The following STX8 variants were observed in gnomAD, a reference collection of about 807,000 sequenced individuals.
STX8 encodes the protein syntaxin 8.
In STX8, 23 loss-of-function variants were observed where a neutral mutation model predicts 37.5. The ratio of observed to expected loss-of-function variants is 0.61; its 90% CI spans 0.44 to 0.87. STX8 has a LOEUF of 0.87. Ranked by LOEUF, STX8 falls within the 40% of genes least tolerant of loss-of-function variation. STX8 has a pLI of 0.00. For missense variants in STX8, 313 were observed against 284.7 expected (o/e 1.10, Z -0.71); for synonymous variants, 115 against 99.1 (o/e 1.16, Z -0.95).
intron 6 of STX8, among the ~76,000 whole-genome samples, chr17:9,447,406 A>T (rs1355412000): frequency 6.6e-6 from 1 of 152,166 alleles, no homozygotes; most frequent in Admixed American, 6.6e-5. Flanking sequence ...TCTTAGGAAG[A>T]TTTTGAGGAG....
intron 6 of STX8, among the ~76,000 whole-genome samples, chr17:9,432,952 T>C (rs1914030150): frequency 1.3e-5 from 2 of 152,222 alleles, no homozygotes; most frequent in Admixed American, 1.3e-4. Flanking sequence ...TGGAATACTC[T>C]TGAGATTGAG....
chr17:9,346,312 C>T (rs1860506811), intron 7 of STX8, among the ~76,000 whole-genome samples: 1 of 152,096 alleles, frequency 6.6e-6, no homozygotes, highest in South Asian at 2.1e-4. Context: ...TATTTCCTCT[C>T]TTTCATCTCT....
chr17:9,549,452 TAA>T (rs1480726155), intron 3 of STX8, among the ~76,000 whole-genome samples: 1 of 152,222 alleles, frequency 6.6e-6, no homozygotes, highest in Non-Finnish European at 1.5e-5. Flanking sequence ...TGAGCATGGC[TAA>T]GTCACTTGCC....
intron 3 of STX8, chr17:9,547,262 AAAAAG>A (rs1567605879): frequency 6.9e-6 from 1 of 145,786 alleles, no homozygotes; most frequent in African/African-American, 2.6e-5. Flanking sequence ...AAAAAAAAAA[AAAAAG>A]AAAAAAGAAA....
At chr17:9,558,822 CAAA>C (rs35485022) in intron 2 of STX8, among the ~76,000 whole-genome samples, 3 of 104,442 alleles carry the variant, frequency 2.9e-5, no homozygotes, top group African/African-American at 3.5e-5. Context: ...GACTCCGTCT[CAAA>C]AAAAAAAAAA....
intron 7 of STX8, among the ~76,000 whole-genome samples, chr17:9,338,048 ATTTTT>A (rs972471091): frequency 0.02 from 2,166 of 107,854 alleles, 63 homozygotes; most frequent in African/African-American, 0.075. Flanking sequence ...CCTCTGAAGG[ATTTTT>A]TTTTTTTTTT....
chr17:9,287,506 G>C (rs1206479538), intron 7 of STX8, among the ~76,000 whole-genome samples: 1 of 152,194 alleles, frequency 6.6e-6, no homozygotes, highest in Non-Finnish European at 1.5e-5. Flanking sequence ...TAGGGCATGA[G>C]AAGCTGGCTG....
intron 6 of STX8, among the ~76,000 whole-genome samples, chr17:9,405,163 T>C (rs1308598824): frequency 1.3e-5 from 2 of 152,234 alleles, no homozygotes; most frequent in Non-Finnish European, 2.9e-5. Flanking sequence ...ATGGTGTCAT[T>C]ATTCTAGACT....
rs57991262 is a variant in STX8 at position 9,355,332 on chromosome 17, C to CTT, written c.643+23218_643+23219dup. Among the ~76,000 whole-genome samples the CTT allele has an allele frequency of 2.2e-3, 256 of 116,214 alleles. 2 individuals carry two copies. The highest frequency in any genetic ancestry group is 9.5e-3 in the Admixed American group (100 of 10,550). 76.2% of individuals were successfully genotyped at this position (116,214 alleles called of 152,430 possible). A position where few individuals can be genotyped will look rare whatever the true frequency, so the allele number is the denominator to read the frequency against. On this transcript the variant is annotated intron_variant, in intron 7 of 7. Transcript: ENST00000306357. ...TGTCTTTTGGTTCTACTTTGTGGAA[C>CTT]TTTTTTTTTTTTTTTTTTTTGAGAC...
At chr17:9,486,444 G>A (rs898291801) in intron 6 of STX8, among the ~76,000 whole-genome samples, 4 of 152,156 alleles carry the variant, frequency 2.6e-5, no homozygotes, top group Non-Finnish European at 5.9e-5. Flanking sequence ...CCATCAAATC[G>A]TGCCTCTATG....
intron 5 of STX8, among the ~76,000 whole-genome samples, chr17:9,494,013 T>TTTG (rs1567585337): frequency 6.6e-6 from 1 of 151,470 alleles, no homozygotes; most frequent in African/African-American, 2.4e-5. Context: ...GTTTTGTTTT[T>TTTG]TTGTTGTTGT....
chr17:9,401,472 G>C (rs1457263197), intron 6 of STX8, among the ~76,000 whole-genome samples: 2 of 152,176 alleles, frequency 1.3e-5, no homozygotes. Flanking sequence ...GGAGCTGTTA[G>C]AATATTTTAT....
At chr17:9,462,314 G>A in intron 6 of STX8, among the ~76,000 whole-genome samples, 1 of 152,176 alleles carries the variant, frequency 6.6e-6, no homozygotes, top group East Asian at 1.9e-4. Flanking sequence ...ATCTAATGAA[G>A]ACAAACTCAC....
chr17:9,509,720 A>T (rs1348029772), intron 4 of STX8, among the ~76,000 whole-genome samples: 2 of 152,088 alleles, frequency 1.3e-5, no homozygotes, highest in African/African-American at 2.4e-5. Flanking sequence ...GGAACAAAGG[A>T]TATAGAAAAC....
chr17:9,535,920 C>A (rs554363312), intron 4 of STX8, among the ~76,000 whole-genome samples: 3 of 152,138 alleles, frequency 2.0e-5, no homozygotes, highest in African/African-American at 7.2e-5. Flanking sequence ...CAAAACCTTA[C>A]GTCACGATTG....
At position 9,268,709 on chromosome 17, in the gene STX8, T is replaced by C. The variant is rs1035227502; in HGVS notation, c.644-18064A>G. ...CTAAGTAAAAACTCAGAGCCAGAAC[T>C]GGTGCTCTTCAACCCCGACTCAGCT... is the stretch of plus-strand genomic sequence containing the variant. On this transcript the variant is annotated intron_variant, in intron 7 of 7. Coordinates refer to ENST00000306357, the MANE Select transcript of STX8 (RefSeq NM_004853.3). 2.6e-5 allele frequency among the ~76,000 whole-genome samples: 4 copies of C among 152,148 alleles called. No homozygotes were observed. The East Asian group carries it at 7.7e-4, about 29-fold the overall frequency.
chr17:9,398,950 G>A (rs1470319634), intron 6 of STX8, among the ~76,000 whole-genome samples: 1 of 151,592 alleles, frequency 6.6e-6, no homozygotes, highest in African/African-American at 2.4e-5. Context: ...TCGGGAGGTG[G>A]AGGCATGAGA....
At chr17:9,269,049 T>C (rs995799505) in intron 7 of STX8, among the ~76,000 whole-genome samples, 1,565 of 143,182 alleles carry the variant, frequency 0.011, no homozygotes, top group Non-Finnish European at 0.018. Context: ...TAGCTGGGCA[T>C]GGTGGCGGGC....
chr17:9,433,706 G>A lies in STX8; in HGVS notation c.542-55053C>T, dbSNP rs116635260. On this transcript the variant is annotated intron_variant, in intron 6 of 7. Coordinates refer to ENST00000306357, the MANE Select transcript of STX8 (RefSeq NM_004853.3). ...TTCAGGGGGTCACAGATATTAAAAC[G>A]GGGGAAGGGAGGGTGGGAATCCAAA... Among the ~76,000 whole-genome samples the A allele has an allele frequency of 5.3e-5, 8 of 152,084 alleles. No individual in the cohort carries two copies. The East Asian group carries it at 7.7e-4, about 15-fold the overall frequency.
Sources: gnomAD v4.1 joint callset for allele counts (sites outside exome capture counted in the v4.1 genomes callset) on GRCh38, gnomAD v4.1.1 for gene constraint, MANE v1.5 for transcripts, NCBI Gene and HGNC (gene_info 2026-07-23, HGNC 2026-07-21) for gene names.